ZFHX3: variants seen among roughly 807,000 people sequenced by gnomAD.
ZFHX3 encodes zinc finger homeobox protein 3.
In ZFHX3, 42 loss-of-function variants were observed where a neutral mutation model predicts 279.1. The ratio of observed to expected loss-of-function variants is 0.15; its 90% CI spans 0.12 to 0.19. The LOEUF (loss-of-function observed/expected upper bound fraction) is 0.19, where lower values mean the gene tolerates loss of function less well. Among genes scored for constraint, ZFHX3 ranks in the 10% least tolerant of loss-of-function variants. The pLI is 1.00. For missense variants in ZFHX3, 4,981 were observed against 4,754.0 expected, an observed-to-expected ratio of 1.05 and a Z score of -1.40; for synonymous variants, 2,293 against 1,957.8, an observed-to-expected ratio of 1.17 and a Z score of -4.52.
Position 72,787,053 on chromosome 16 carries a change from T to TG in ZFHX3, c.*110_*111insC. 1 of 1,069,466 alleles carries TG rather than the reference T, an allele frequency of 9.4e-7. No individual in the cohort carries two copies. The highest frequency in any genetic ancestry group is 1.2e-6 in the Non-Finnish European group (1 of 841,762). 66.2% of individuals were successfully genotyped at this position (1,069,466 alleles called of 1,614,324 possible). Reference sequence around the variant, plus strand: ...TTCTTTTTTTTCTTTTTTTTTTTTTTTTTGTTTTTTGGTTAGAAGCTTTGG... The same window carrying TG: ...TTCTTTTTTTTCTTTTTTTTTTTTTTGTTTGTTTTTTGGTTAGAAGCTTTGG... On this transcript the variant is annotated 3_prime_UTR_variant, in exon 10 of 10. Coordinates refer to ENST00000268489, the MANE Select transcript of ZFHX3 (RefSeq NM_006885.4).
intron 4 of ZFHX3, among the ~76,000 whole-genome samples, chr16:72,853,388 A>C (rs1172999870): frequency 6.6e-6 from 1 of 152,244 alleles, no homozygotes; most frequent in East Asian, 1.9e-4. Context: ...AGTACTTTTT[A>C]AACTAATTAC....
chr16:72,920,190 A>G (rs2039548348), intron 3 of ZFHX3, among the ~76,000 whole-genome samples: 1 of 152,154 alleles, frequency 6.6e-6, no homozygotes. Context: ...CTTAAAAAAA[A>G]ATAACCAAAA....
intron 3 of ZFHX3, among the ~76,000 whole-genome samples, chr16:72,944,873 A>G (rs1960588410): frequency 6.6e-6 from 1 of 152,360 alleles, no homozygotes; most frequent in Admixed American, 6.5e-5. Flanking sequence ...CACTAAAAGC[A>G]TTTAGAAAAA....
chr16:73,203,467 G>C (rs1308941345), intron 5 of ZFHX3, among the ~76,000 whole-genome samples: 2 of 152,168 alleles, frequency 1.3e-5, no homozygotes, highest in African/African-American at 2.4e-5. Context: ...AGCTCTCTGA[G>C]GTCAGAATTC....
chr16:73,863,300 G>C (rs972185252), intron 1 of ZFHX3, among the ~76,000 whole-genome samples: 20 of 152,192 alleles, frequency 1.3e-4, no homozygotes, highest in African/African-American at 3.9e-4. Context: ...GGTAGGCAAT[G>C]GGCATAAAGA....
At chr16:73,268,289 G>A (rs2014037398) in intron 4 of ZFHX3, among the ~76,000 whole-genome samples, 1 of 152,128 alleles carries the variant, frequency 6.6e-6, no homozygotes, top group South Asian at 2.1e-4. Flanking sequence ...CAGAGTTCTG[G>A]GGGAGATGCT....
At chr16:73,517,595 CA>C (rs2019544447) in intron 2 of ZFHX3, among the ~76,000 whole-genome samples, 1 of 152,154 alleles carries the variant, frequency 6.6e-6, no homozygotes, top group Non-Finnish European at 1.5e-5. Context: ...AGTGAAACCA[CA>C]ATGAGGAACT....
chr16:72,882,985 T>G (rs1405345351), intron 4 of ZFHX3, among the ~76,000 whole-genome samples: 18 of 37,714 alleles, frequency 4.8e-4, no homozygotes, highest in South Asian at 1.1e-3. Context: ...GGGGTGTGTG[T>G]GTGTGTGTGT....
At chr16:73,064,489 C>T (rs1965722078), upstream of ZFHX3, among the ~76,000 whole-genome samples, 1 of 151,638 alleles carries the variant, frequency 6.6e-6, no homozygotes, top group Non-Finnish European at 1.5e-5. Flanking sequence ...ATCCCTGGGG[C>T]AAGGGGGAGG....
chr16:73,346,071 C>T (rs1291092488), intron 3 of ZFHX3, among the ~76,000 whole-genome samples: 1 of 152,142 alleles, frequency 6.6e-6, no homozygotes, highest in East Asian at 1.9e-4. Flanking sequence ...GGGTTATTTC[C>T]CCCAAGGCTC....
chr16:73,306,097 T>C (rs1412854946), intron 4 of ZFHX3, among the ~76,000 whole-genome samples: 1 of 152,248 alleles, frequency 6.6e-6, no homozygotes, highest in Non-Finnish European at 1.5e-5. Flanking sequence ...AATGAGGTTT[T>C]AGGTTCTACC....
rs114459299 is a variant in ZFHX3, at chr16:73,480,823, G to A, written c.-1546-24565C>T. ...TTATCTACACACATTGGCCCTTATG[G>A]GAGCAGCCTCACATATAAATATATA... is the stretch of plus-strand genomic sequence containing the variant. On this transcript the variant is annotated intron_variant, in intron 2 of 17. Transcript: ENST00000641206. Among the ~76,000 whole-genome samples the A allele has an allele frequency of 3.1e-3, 471 of 152,200 alleles. 4 individuals carry two copies. The highest frequency in any genetic ancestry group is 0.011 in the African/African-American group (450 of 41,514).
At chr16:73,725,485 C>A (rs1453526466) in intron 1 of ZFHX3, among the ~76,000 whole-genome samples, 2 of 151,716 alleles carry the variant, frequency 1.3e-5, no homozygotes, top group Non-Finnish European at 2.9e-5. Context: ...ACTGAGAGCC[C>A]CAAAGAGACA....
intron 5 of ZFHX3, among the ~76,000 whole-genome samples, chr16:72,828,983 T>A (rs2036998677): frequency 6.6e-6 from 1 of 150,956 alleles, no homozygotes; most frequent in South Asian, 2.1e-4. Context: ...GAGCCATTAC[T>A]CTCAGCTGGG....
At chr16:73,263,228 C>T (rs918165108) in intron 4 of ZFHX3, among the ~76,000 whole-genome samples, 1 of 150,908 alleles carries the variant, frequency 6.6e-6, no homozygotes, top group African/African-American at 2.4e-5. Flanking sequence ...CAGAGTCTTA[C>T]TCTGTCACCC....
intron 2 of ZFHX3, among the ~76,000 whole-genome samples, chr16:73,509,677 A>G (rs901750358): frequency 1.2e-4 from 16 of 137,568 alleles, no homozygotes; most frequent in African/African-American, 4.5e-4. Flanking sequence ...GGCGCCCACC[A>G]CCATGCCCGG....
chr16:73,369,127 TGTC>T (rs1178396796), intron 3 of ZFHX3, among the ~76,000 whole-genome samples: 1 of 152,230 alleles, frequency 6.6e-6, no homozygotes, highest in Admixed American at 6.5e-5. Flanking sequence ...TATTTTCTAT[TGTC>T]ATTATTGTCT....
At chr16:72,837,794 G>A (rs1025245973) in intron 4 of ZFHX3, among the ~76,000 whole-genome samples, 5 of 151,992 alleles carry the variant, frequency 3.3e-5, no homozygotes, top group Non-Finnish European at 7.4e-5. Flanking sequence ...AGAGATAGGG[G>A]TCTCGCTGTG....
intron 8 of ZFHX3, among the ~76,000 whole-genome samples, chr16:73,083,075 T>C (rs1025744801): frequency 6.8e-6 from 1 of 146,714 alleles, no homozygotes; most frequent in Non-Finnish European, 1.5e-5. Context: ...TGGTGGCGGG[T>C]GCCTGTAATC....
Sources: gnomAD v4.1 joint callset for allele counts (sites outside exome capture counted in the v4.1 genomes callset) on GRCh38, gnomAD v4.1.1 for gene constraint, MANE v1.5 for transcripts, NCBI Gene and HGNC (gene_info 2026-07-23, HGNC 2026-07-21) for gene names.